Variants in TRPM3 observed in about 807,000 individuals in gnomAD.
The protein encoded by TRPM3 is transient receptor potential cation channel subfamily M member 3.
A neutral mutation model predicts 181.2 loss-of-function variants in TRPM3; 77 were observed. The ratio of observed to expected loss-of-function variants is 0.42; its 90% CI spans 0.35 to 0.51. The LOEUF (loss-of-function observed/expected upper bound fraction) is 0.51, where lower values mean the gene tolerates loss of function less well. Among genes scored for constraint, TRPM3 ranks in the 20% least tolerant of loss-of-function variants. The pLI, the probability that TRPM3 is intolerant of heterozygous loss-of-function variation, is 0.01. For missense variants in TRPM3, 1,759 were observed against 2,196.7 expected (o/e 0.80, Z 3.98); for synonymous variants, 745 against 796.4 (o/e 0.94, Z 1.09).
intron 1 of TRPM3, among the ~76,000 whole-genome samples, chr9:71,374,625 G>C (rs1293529166): frequency 6.6e-6 from 1 of 152,052 alleles, no homozygotes; most frequent in African/African-American, 2.4e-5. Context: ...AGAAATAAAG[G>C]GTGTTCAAGT....
chr9:70,651,639 A>G (rs1485128103), intron 9 of TRPM3, among the ~76,000 whole-genome samples: 3 of 152,190 alleles, frequency 2.0e-5, no homozygotes, highest in African/African-American at 4.8e-5. Context: ...GAGGACTGCC[A>G]CTGTTAATTT....
In TRPM3 at chr9:70,784,158, A is replaced by G; in HGVS notation, c.1095T>C (p.Ser365=). The G allele has an allele frequency of 6.2e-7, 1 of 1,613,346 alleles. No homozygotes were observed. Among genetic ancestry groups the G allele is most frequent in the Non-Finnish European group, 8.5e-7 (1 of 1,179,766 alleles). The change falls in exon 7 of 26, where the codon AGT becomes AGC. Residue 365 remains serine (S), a synonymous_variant. Transcript: ENST00000677713. ...AGGCCAGGATGTCCGATGCCCGTCC[A>G]CTCCCATCACAGACAACCACTGGCA... ...PPVPVVVCDG[S]GRASDILAFG...
chr9:70,700,989 A>C (rs372425853), intron 8 of TRPM3, among the ~76,000 whole-genome samples: 70 of 152,334 alleles, frequency 4.6e-4, no homozygotes, highest in African/African-American at 1.4e-3. Flanking sequence ...CACATTTACC[A>C]CTTCAGTCAG....
intron 1 of TRPM3, among the ~76,000 whole-genome samples, chr9:71,205,249 A>T (rs1244686961): frequency 6.7e-5 from 1 of 15,034 alleles, no homozygotes; most frequent in African/African-American, 4.8e-4. Context: ...ATCAAATAAT[A>T]AAAAAAAATT....
chr9:70,766,662 C>A lies in TRPM3; in HGVS notation c.1149-4938G>T, dbSNP rs193036483. Among the ~76,000 whole-genome samples the A allele has an allele frequency of 2.0e-5, 3 of 152,304 alleles. No individual in the cohort carries two copies. The East Asian group carries it at 5.8e-4, about 29-fold the overall frequency. ...AGAGCACATAAAGTTGCATGTCTTGCCTGAGGTCACAGAGAATGGCATATT... is the reference window on the plus strand; with the variant it reads ...AGAGCACATAAAGTTGCATGTCTTGACTGAGGTCACAGAGAATGGCATATT... On this transcript the variant is annotated intron_variant, in intron 7 of 25. Coordinates refer to ENST00000677713, the MANE Select transcript of TRPM3 (RefSeq NM_001366145.2).
At chr9:71,115,427 A>G (rs1190789643) in intron 1 of TRPM3, among the ~76,000 whole-genome samples, 1 of 152,140 alleles carries the variant, frequency 6.6e-6, no homozygotes, top group Non-Finnish European at 1.5e-5. Flanking sequence ...CATTCATTAA[A>G]CATTTGTTGA....
intron 4 of TRPM3, among the ~76,000 whole-genome samples, 172 bp downstream of exon 4, chr9:70,846,206 A>G (rs1419585383): frequency 6.6e-6 from 1 of 152,220 alleles, no homozygotes; most frequent in Admixed American, 6.5e-5. Flanking sequence ...TGGTTAAGAA[A>G]TAACTTTACA....
intron 1 of TRPM3, among the ~76,000 whole-genome samples, chr9:70,956,914 T>C (rs947992421): frequency 6.6e-6 from 1 of 151,900 alleles, no homozygotes; most frequent in Non-Finnish European, 1.5e-5. Flanking sequence ...TTCTTCTAAA[T>C]TTTGACATTT....
chr9:71,335,300 G>A (rs1209848213), intron 1 of TRPM3, among the ~76,000 whole-genome samples: 1 of 151,976 alleles, frequency 6.6e-6, no homozygotes, highest in Non-Finnish European at 1.5e-5. Flanking sequence ...GTAGGAGTTT[G>A]GCAAATAAAG....
At chr9:71,293,121 A>T (rs1293224053) in intron 1 of TRPM3, among the ~76,000 whole-genome samples, 2 of 151,908 alleles carry the variant, frequency 1.3e-5, no homozygotes, top group South Asian at 4.1e-4. Context: ...AAAACTTTTT[A>T]AAAACAGTAA....
intron 1 of TRPM3, among the ~76,000 whole-genome samples, chr9:71,438,417 C>T (rs771581254): frequency 6.6e-6 from 1 of 151,990 alleles, no homozygotes; most frequent in Non-Finnish European, 1.5e-5. Context: ...TGCCTGTAAT[C>T]CCAGCACTTT....
chr9:70,600,756 CA>C (rs2059766957), intron 20 of TRPM3, among the ~76,000 whole-genome samples: 1 of 152,194 alleles, frequency 6.6e-6, no homozygotes, highest in Non-Finnish European at 1.5e-5. Flanking sequence ...TGCATCTTAA[CA>C]GAGCAAAAAT....
rs553873166 is a variant in TRPM3, at chr9:70,795,160, A to G, written c.974-10881T>C. 3.8e-4 allele frequency among the ~76,000 whole-genome samples: 58 copies of G among 152,314 alleles called. 1 individual carries two copies. Among genetic ancestry groups the G allele is most frequent in the East Asian group, 2.9e-3 (15 of 5,182 alleles). On this transcript the variant is annotated intron_variant, in intron 6 of 25. Coordinates refer to ENST00000677713, the MANE Select transcript of TRPM3 (RefSeq NM_001366145.2). The stretch of plus-strand genomic sequence containing the variant: ...GACTTGAGCATCCTCAGATTTTGGT[A>G]TCTGTGGGAGATTTTGGAACCAATC...
chr9:70,690,363 G>A (rs2068159660), intron 8 of TRPM3, among the ~76,000 whole-genome samples: 1 of 152,042 alleles, frequency 6.6e-6, no homozygotes, highest in Admixed American at 6.6e-5. Flanking sequence ...ATAGGCTTGA[G>A]CACACTAAAA....
At chr9:70,916,944 A>T in intron 1 of TRPM3, 2 of 1,298,328 alleles carry the variant, frequency 1.5e-6, no homozygotes. Context: ...TGGCACTGCA[A>T]ATTGGCTTAG....
rs769200720 is a variant in TRPM3 at position 70,923,803 on chromosome 9, ACTCTCT to A, written c.178-59298_178-59293del. On this transcript the variant is annotated intron_variant, in intron 1 of 25. Transcript: ENST00000677713. The stretch of plus-strand genomic sequence containing the variant: ...ACAAATAACACACACACACACACAC[ACTCTCT>A]CTCTCTCTCTCTCTCTCTCTATATA... Among the ~76,000 whole-genome samples the A allele has an allele frequency of 2.4e-3, 348 of 143,484 alleles. 1 individual carries two copies. The highest frequency in any genetic ancestry group is 7.6e-3 in the African/African-American group (294 of 38,816). 94.1% of individuals were successfully genotyped at this position (143,484 alleles called of 152,430 possible).
chr9:70,950,577 C>T (rs1282729666), intron 1 of TRPM3, among the ~76,000 whole-genome samples: 12 of 152,128 alleles, frequency 7.9e-5, no homozygotes, highest in Admixed American at 7.2e-4. Flanking sequence ...TGAGGAACAG[C>T]GTTCTTTGTG....
chr9:70,588,944 A>G (rs1221052452), intron 22 of TRPM3, among the ~76,000 whole-genome samples: 1 of 152,254 alleles, frequency 6.6e-6, no homozygotes, highest in Non-Finnish European at 1.5e-5. Context: ...AGCACTAGAC[A>G]GAAAACTGGC....
At position 71,235,329 on chromosome 9, in the gene TRPM3, T is replaced by C. The variant is rs766746567; in HGVS notation, c.183+211324A>G. ...AGAAGTTTACCCTGATTTGTCAACA[T>C]TGCATATGTCACTATTTGAAACTGT... On this transcript the variant is annotated intron_variant, in intron 1 of 24. Transcript: ENST00000357533. Among the ~76,000 whole-genome samples the C allele has an allele frequency of 7.9e-5, 12 of 152,246 alleles. 1 individual carries two copies. The highest frequency in any genetic ancestry group is 4.1e-4 in the South Asian group (2 of 4,830).
Sources: gnomAD v4.1 joint callset for allele counts (sites outside exome capture counted in the v4.1 genomes callset) on GRCh38, gnomAD v4.1.1 for gene constraint, MANE v1.5 for transcripts, NCBI Gene and HGNC (gene_info 2026-07-23, HGNC 2026-07-21) for gene names.